Variants in MKLN1 observed in about 807,000 individuals in gnomAD.
The protein encoded by MKLN1 is muskelin.
In MKLN1, 18 loss-of-function variants were observed where a neutral mutation model predicts 99.0. The observed-to-expected ratio is 0.18, with a 90% CI of 0.13 to 0.27. The LOEUF is 0.27. Among genes scored for constraint, MKLN1 ranks in the 10% least tolerant of loss-of-function variants. The pLI is 1.00. For synonymous variants in MKLN1, 288 were observed against 293.2 expected (o/e 0.98, Z 0.18); for missense variants, 621 against 875.9 (o/e 0.71, Z 3.67).
intron 3 of MKLN1, among the ~76,000 whole-genome samples, chr7:131,319,980 TATC>T (rs1344976079): frequency 6.6e-6 from 1 of 152,194 alleles, no homozygotes; most frequent in Non-Finnish European, 1.5e-5. Context: ...GAAGAATCAA[TATC>T]ATGAAAATGG....
intron 3 of MKLN1, among the ~76,000 whole-genome samples, chr7:131,267,099 G>A (rs1797819800): frequency 6.6e-6 from 1 of 151,980 alleles, no homozygotes; most frequent in Non-Finnish European, 1.5e-5. Context: ...TTGGGAGGCC[G>A]AGGCAGGCAG....
chr7:131,270,169 G>A (rs541296825), intron 3 of MKLN1, among the ~76,000 whole-genome samples: 12 of 152,028 alleles, frequency 7.9e-5, no homozygotes, highest in South Asian at 6.2e-4. Flanking sequence ...TGATCCACCC[G>A]CCTCGGCCTC....
At chr7:131,234,507 A>T (rs1232725370) in intron 3 of MKLN1, among the ~76,000 whole-genome samples, 2 of 151,950 alleles carry the variant, frequency 1.3e-5, no homozygotes, top group African/African-American at 4.8e-5. Context: ...ACTCCAGAGG[A>T]CTCGTGTAAA....
intron 1 of MKLN1, among the ~76,000 whole-genome samples, chr7:131,348,477 G>A (rs1167572827): frequency 6.6e-6 from 1 of 151,202 alleles, no homozygotes; most frequent in African/African-American, 2.4e-5. Context: ...AATATTTGAT[G>A]TATAATACTT....
intron 2 of MKLN1, among the ~76,000 whole-genome samples, chr7:131,157,063 C>T (rs1795979779): frequency 6.6e-6 from 1 of 152,098 alleles, no homozygotes. Context: ...TGTCTTCCTA[C>T]AGGATCAAAT....
At chr7:131,223,776 G>GTT (rs201890457) in intron 3 of MKLN1, among the ~76,000 whole-genome samples, 26 of 151,610 alleles carry the variant, frequency 1.7e-4, no homozygotes, top group African/African-American at 6.3e-4. Flanking sequence ...TGTTGTTTTT[G>GTT]TTTTTTTTGA....
At chr7:131,267,795 A>C (rs1057050973) in intron 3 of MKLN1, among the ~76,000 whole-genome samples, 1 of 152,224 alleles carries the variant, frequency 6.6e-6, no homozygotes, top group African/African-American at 2.4e-5. Context: ...CTTAATTTTC[A>C]AAGTCTGGTA....
intron 2 of MKLN1, among the ~76,000 whole-genome samples, chr7:131,182,002 T>C (rs6963579): frequency 0.55 from 83,650 of 151,764 alleles, 23,142 homozygotes; most frequent in Middle Eastern, 0.63. Flanking sequence ...GGTGTGGTGG[T>C]GCGTGCCTGT....
intron 17 of MKLN1, among the ~76,000 whole-genome samples, chr7:131,480,130 T>C (rs1034637038): frequency 5.3e-5 from 8 of 152,116 alleles, no homozygotes; most frequent in African/African-American, 1.4e-4. Context: ...GGATAACTTA[T>C]GATAGCTTCA....
At chr7:131,486,552 A>C (rs193028906) in intron 17 of MKLN1, among the ~76,000 whole-genome samples, 1 of 152,108 alleles carries the variant, frequency 6.6e-6, no homozygotes, top group African/African-American at 2.4e-5. Flanking sequence ...AACAGGTTGG[A>C]CCTAAAATGG....
At chr7:131,208,926 A>G (rs927465978) in intron 3 of MKLN1, among the ~76,000 whole-genome samples, 1 of 152,214 alleles carries the variant, frequency 6.6e-6, no homozygotes, top group Non-Finnish European at 1.5e-5. Context: ...GAGCAATATA[A>G]TAGAGTGAAG....
chr7:131,209,089 C>T (rs1017472569), intron 3 of MKLN1, among the ~76,000 whole-genome samples: 3 of 152,108 alleles, frequency 2.0e-5, no homozygotes, highest in Admixed American at 6.6e-5. Flanking sequence ...CAGAAGGTTC[C>T]GACATCCTCA....
At chr7:131,274,758 C>T (rs998134135) in intron 3 of MKLN1, among the ~76,000 whole-genome samples, 2 of 151,694 alleles carry the variant, frequency 1.3e-5, no homozygotes, top group Non-Finnish European at 2.9e-5. Flanking sequence ...ATTAGAGAGA[C>T]ATCTGACACT....
chr7:131,261,844 G>A (rs1275067866), intron 3 of MKLN1, among the ~76,000 whole-genome samples: 1 of 152,182 alleles, frequency 6.6e-6, no homozygotes, highest in Admixed American at 6.5e-5. Flanking sequence ...GTCCTTTGCA[G>A]CAATGTGGAT....
intron 2 of MKLN1, among the ~76,000 whole-genome samples, chr7:131,179,874 G>A (rs1201320726): frequency 2.0e-5 from 3 of 151,078 alleles, no homozygotes; most frequent in Non-Finnish European, 3.0e-5. Context: ...GCACCTGGCC[G>A]ATTCTGTTAT....
intron 1 of MKLN1, among the ~76,000 whole-genome samples, chr7:131,348,642 G>A (rs556430062): frequency 1.3e-5 from 2 of 151,868 alleles, no homozygotes; most frequent in African/African-American, 4.8e-5. Flanking sequence ...TGGGACTTAG[G>A]GCATTGGTCA....
intron 8 of MKLN1, among the ~76,000 whole-genome samples, chr7:131,421,980 A>G (rs1795208074): frequency 6.6e-6 from 1 of 152,308 alleles, no homozygotes; most frequent in South Asian, 2.1e-4. Flanking sequence ...AATTTTCTTG[A>G]TGAAGATCAG....
chr7:131,130,705 T>C (rs1055953529), intron 1 of MKLN1, among the ~76,000 whole-genome samples: 2 of 152,176 alleles, frequency 1.3e-5, no homozygotes, highest in African/African-American at 4.8e-5. Context: ...GATGAAATGT[T>C]TTATTATTAC....
At chr7:131,478,956 A>T (rs1797043815) in intron 17 of MKLN1, 1 of 452,790 alleles carries the variant, frequency 2.2e-6, no homozygotes, top group Non-Finnish European at 3.9e-6. Context: ...TTTGTATAGC[A>T]CTGCCTTGGA....
Sources: allele counts gnomAD v4.1 joint callset (sites outside exome capture counted in the v4.1 genomes callset), GRCh38; gene constraint gnomAD v4.1.1; transcripts MANE v1.5; gene names NCBI Gene and HGNC (gene_info 2026-07-23, HGNC 2026-07-21).